Variants in RBFOX1 observed in about 807,000 individuals in gnomAD.
RBFOX1 encodes RNA binding protein fox-1 homolog 1.
Under a neutral mutation model 57.7 loss-of-function variants are expected in RBFOX1, and 8 were observed. The observed-to-expected ratio is 0.14, with a 90% CI of 0.08 to 0.25. The LOEUF (loss-of-function observed/expected upper bound fraction) is 0.25, where lower values mean the gene tolerates loss of function less well. Among genes scored for constraint, RBFOX1 ranks in the 10% least tolerant of loss-of-function variants. RBFOX1 has a pLI of 1.00. For missense variants in RBFOX1, 611 were observed against 548.5 expected (o/e 1.11, Z -1.14); for synonymous variants, 326 against 222.4 (o/e 1.47, Z -4.15).
chr16:6,761,627 C>T (rs2076618285), intron 3 of RBFOX1, among the ~76,000 whole-genome samples: 3 of 150,502 alleles, frequency 2.0e-5, no homozygotes, highest in African/African-American at 4.9e-5. Flanking sequence ...CTGCCTCAGC[C>T]TCCCAAGTGG....
chr16:6,177,763 G>T (rs145254253), intron 1 of RBFOX1, among the ~76,000 whole-genome samples: 1 of 151,986 alleles, frequency 6.6e-6, no homozygotes, highest in Non-Finnish European at 1.5e-5. Flanking sequence ...ACCCAAGCAC[G>T]CAGTCGGTTA....
chr16:6,753,495 C>A (rs1475384325), intron 3 of RBFOX1, among the ~76,000 whole-genome samples: 1 of 152,172 alleles, frequency 6.6e-6, no homozygotes, highest in Non-Finnish European at 1.5e-5. Context: ...CAGTGTCCCC[C>A]TTTCATCTCC....
chr16:6,865,252 C>T (rs936080450), intron 3 of RBFOX1, among the ~76,000 whole-genome samples: 2 of 152,104 alleles, frequency 1.3e-5, no homozygotes, highest in African/African-American at 2.4e-5. Flanking sequence ...ATCCACCCGC[C>T]TTGGCCTCCC....
Position 5,496,125 on chromosome 16 carries a change from C to G in RBFOX1, c.258+28871C>G, listed in dbSNP as rs550880203. On this transcript the variant is annotated intron_variant, in intron 2 of 2. Coordinates refer to the RBFOX1 transcript ENST00000585867. The stretch of plus-strand genomic sequence containing the variant: ...TGGGTGACAGTGCGAGACTCCATCT[C>G]AAAAAGAAAAGAAAAGAAAAGAAAG... Among the ~76,000 whole-genome samples, 4 of 151,812 alleles carry G rather than the reference C, an allele frequency of 2.6e-5. No homozygotes were observed. In the East Asian group the frequency reaches 7.7e-4, roughly 29 times the overall value.
chr16:5,762,927 A>T lies in RBFOX1; in HGVS notation c.319-104376A>T, dbSNP rs564950548. Among the ~76,000 whole-genome samples, 7 of 152,330 alleles carry T rather than the reference A, an allele frequency of 4.6e-5. No individual in the cohort carries two copies. The South Asian group carries it at 1.4e-3, about 32-fold the overall frequency. Reference sequence around the variant, plus strand: ...AAAACCTCTTGAAGGATATACAGCAATATGTGAAAAGCAGTTATTGCTGAA... The same window carrying T: ...AAAACCTCTTGAAGGATATACAGCATTATGTGAAAAGCAGTTATTGCTGAA... On this transcript the variant is annotated intron_variant, in intron 3 of 19. Coordinates refer to the RBFOX1 transcript ENST00000641259.
intron 4 of RBFOX1, among the ~76,000 whole-genome samples, chr16:7,209,362 C>G (rs1166394139): frequency 2.0e-5 from 3 of 152,048 alleles, no homozygotes; most frequent in Non-Finnish European, 2.9e-5. Flanking sequence ...AACAAGATCT[C>G]CTTTTCTTAT....
At chr16:5,749,985 A>T (rs1190950796) in intron 3 of RBFOX1, among the ~76,000 whole-genome samples, 1 of 151,802 alleles carries the variant, frequency 6.6e-6, no homozygotes, top group East Asian at 1.9e-4. Context: ...TTTTTTCCCC[A>T]TCTTTGTGGT....
At position 7,452,362 on chromosome 16, in the gene RBFOX1, T is replaced by G. The variant is rs181623106; in HGVS notation, c.28-65785T>G. 3.9e-5 allele frequency among the ~76,000 whole-genome samples: 6 copies of G among 152,290 alleles called. No homozygotes were observed. In the East Asian group the frequency reaches 9.7e-4, roughly 25 times the overall value. ...AGGTGATGTGCATTGTGCTAAGAGC[T>G]TAGAACAACACACGGTGCCTGGTGC... On this transcript the variant is annotated intron_variant, in intron 4 of 15. Transcript: ENST00000550418.
chr16:7,229,624 A>G (rs2093361346), intron 4 of RBFOX1, among the ~76,000 whole-genome samples: 2 of 121,680 alleles, frequency 1.6e-5, no homozygotes, highest in Admixed American at 8.7e-5. Flanking sequence ...AGAAAGATGG[A>G]GGGAGGGAAG....
At chr16:7,620,251 C>T (rs913951292) in intron 10 of RBFOX1, among the ~76,000 whole-genome samples, 1 of 152,168 alleles carries the variant, frequency 6.6e-6, no homozygotes, top group Non-Finnish European at 1.5e-5. Context: ...TTGTAATCCT[C>T]ACAGCAATAT....
intron 3 of RBFOX1, among the ~76,000 whole-genome samples, chr16:5,613,097 C>G (rs1379081020): frequency 6.6e-6 from 1 of 152,114 alleles, no homozygotes; most frequent in Non-Finnish European, 1.5e-5. Context: ...ATTGGATTTG[C>G]ATTTTGTGAA....
intron 4 of RBFOX1, among the ~76,000 whole-genome samples, chr16:7,205,152 A>C (rs1195490725): frequency 6.6e-6 from 1 of 152,146 alleles, no homozygotes; most frequent in Non-Finnish European, 1.5e-5. Flanking sequence ...AGAGGCTGAG[A>C]GACCAAGAAA....
intron 2 of RBFOX1, among the ~76,000 whole-genome samples, chr16:5,492,005 A>G (rs917347585): frequency 2.6e-5 from 4 of 152,156 alleles, no homozygotes; most frequent in African/African-American, 9.7e-5. Flanking sequence ...AGGGTTGAGA[A>G]TTACAGAGTG....
chr16:6,126,419 T>C (rs1003964967), intron 1 of RBFOX1, among the ~76,000 whole-genome samples: 2 of 152,186 alleles, frequency 1.3e-5, no homozygotes. Flanking sequence ...TCTTATTTTT[T>C]TTTAATTTAA....
intron 3 of RBFOX1, among the ~76,000 whole-genome samples, chr16:5,845,401 C>T (rs909015659): frequency 6.6e-6 from 1 of 152,116 alleles, no homozygotes; most frequent in African/African-American, 2.4e-5. Context: ...CACATCCAGC[C>T]CAGGGAATAT....
At chr16:6,624,797 A>G (rs1461849265) in intron 2 of RBFOX1, among the ~76,000 whole-genome samples, 1 of 151,960 alleles carries the variant, frequency 6.6e-6, no homozygotes, top group African/African-American at 2.4e-5. Context: ...TAATTTTTTC[A>G]TTTTTTCAGT....
chr16:6,204,405 A>T (rs1455185061), intron 1 of RBFOX1, among the ~76,000 whole-genome samples: 1 of 152,136 alleles, frequency 6.6e-6, no homozygotes, highest in Non-Finnish European at 1.5e-5. Context: ...CACCTTTGTT[A>T]TGTTTTTTTC....
chr16:7,690,915 G>A (rs536033312), intron 14 of RBFOX1, among the ~76,000 whole-genome samples: 95 of 152,176 alleles, frequency 6.2e-4, no homozygotes, highest in African/African-American at 2.2e-3. Flanking sequence ...CTGTTGTCCT[G>A]ACACTGCAGG....
intron 3 of RBFOX1, among the ~76,000 whole-genome samples, chr16:6,717,787 G>T (rs1442655998): frequency 6.6e-6 from 1 of 152,100 alleles, no homozygotes; most frequent in Non-Finnish European, 1.5e-5. Flanking sequence ...TCTCAACATG[G>T]ACCCAGCAGA....
Sources: gnomAD v4.1 joint callset for allele counts (sites outside exome capture counted in the v4.1 genomes callset) on GRCh38, gnomAD v4.1.1 for gene constraint, MANE v1.5 for transcripts, NCBI Gene and HGNC (gene_info 2026-07-23, HGNC 2026-07-21) for gene names.